APBA1: variants seen among roughly 807,000 people sequenced by gnomAD.
APBA1 encodes amyloid-beta A4 precursor protein-binding family A member 1.
In APBA1, 55 loss-of-function variants were observed where a neutral mutation model predicts 86.6. That is an observed-to-expected ratio of 0.64 (90% CI 0.51 to 0.80). The LOEUF (loss-of-function observed/expected upper bound fraction) is 0.80, where lower values mean the gene tolerates loss of function less well. APBA1 is among the 30% of genes least tolerant of loss of function. The pLI is 0.00. For missense variants in APBA1, 1,090 were observed against 1,183.0 expected (o/e 0.92, Z 1.15); for synonymous variants, 511 against 493.9 (o/e 1.03, Z -0.46).
At position 69,616,114 on chromosome 9, in the gene APBA1, G is replaced by GGA. The variant is rs373103054; in HGVS notation, c.-70+56037_-70+56038dup. 2.0e-3 allele frequency among the ~76,000 whole-genome samples: 304 copies of GGA among 152,242 alleles called. 2 individuals are homozygous for GGA. The highest frequency in any genetic ancestry group is 6.4e-3 in the African/African-American group (267 of 41,548). ...CCTGGTAACTTAACCACCTGATCTAGGAGATCTTTTAGTCCACGCAGTGAG... is the reference window on the plus strand; with the variant it reads ...CCTGGTAACTTAACCACCTGATCTAGGAGAGATCTTTTAGTCCACGCAGTGAG... On this transcript the variant is annotated intron_variant, in intron 1 of 12. Coordinates refer to ENST00000265381, the MANE Select transcript of APBA1 (RefSeq NM_001163.4).
In APBA1 at chr9:69,624,795, C is replaced by G. The variant is rs1822897524; in HGVS notation, c.-70+47358G>C. On this transcript the variant is annotated intron_variant, in intron 1 of 12. Transcript: ENST00000265381. ...TCAAGTTCTCACAAATGCAGAGAAACCCAGGTGCAAAGGTGAGTTTAGATA... is the reference window on the plus strand; with the variant it reads ...TCAAGTTCTCACAAATGCAGAGAAAGCCAGGTGCAAAGGTGAGTTTAGATA... 2.0e-5 allele frequency among the ~76,000 whole-genome samples: 3 copies of G among 152,258 alleles called. No homozygotes were observed. In the South Asian group the frequency reaches 6.2e-4, roughly 32 times the overall value.
intron 10 of APBA1, among the ~76,000 whole-genome samples, chr9:69,443,751 G>A (rs1834862382): frequency 6.6e-6 from 1 of 152,134 alleles, no homozygotes; most frequent in Non-Finnish European, 1.5e-5. Context: ...TTCACACACA[G>A]CAAGATTCAA....
intron 10 of APBA1, among the ~76,000 whole-genome samples, chr9:69,442,575 G>A (rs932445539): frequency 6.6e-6 from 1 of 152,218 alleles, no homozygotes; most frequent in Admixed American, 6.5e-5. Flanking sequence ...CAAGCCCACA[G>A]TATCGCTCAG....
intron 1 of APBA1, among the ~76,000 whole-genome samples, chr9:69,544,899 G>A (rs954493418): frequency 6.6e-6 from 1 of 152,130 alleles, no homozygotes; most frequent in Non-Finnish European, 1.5e-5. Context: ...TTGGCCCACC[G>A]GTTAAAATCC....
intron 1 of APBA1, among the ~76,000 whole-genome samples, chr9:69,628,686 T>C (rs923229825): frequency 3.9e-5 from 6 of 152,174 alleles, no homozygotes; most frequent in African/African-American, 1.4e-4. Flanking sequence ...TGAAAAATAA[T>C]GGGCATAGTG....
At chr9:69,661,509 C>A (rs191191164) in intron 1 of APBA1, among the ~76,000 whole-genome samples, 68 of 152,286 alleles carry the variant, frequency 4.5e-4, no homozygotes, top group Admixed American at 2.5e-3. Flanking sequence ...CTAATTATGG[C>A]AGCACTGTAT....
At chr9:69,470,197 C>G (rs1411958029) in intron 4 of APBA1, among the ~76,000 whole-genome samples, 1 of 152,086 alleles carries the variant, frequency 6.6e-6, no homozygotes. Flanking sequence ...TCGCATCACA[C>G]CCAGAAAAAT....
chr9:69,583,105 C>G (rs750128388), intron 1 of APBA1, among the ~76,000 whole-genome samples: 4 of 152,156 alleles, frequency 2.6e-5, no homozygotes, highest in Non-Finnish European at 4.4e-5. Flanking sequence ...TCCTGTGGAA[C>G]AGGCGCAGTA....
At chr9:69,613,724 C>T (rs1822638874) in intron 1 of APBA1, among the ~76,000 whole-genome samples, 1 of 152,142 alleles carries the variant, frequency 6.6e-6, no homozygotes, top group Non-Finnish European at 1.5e-5. Context: ...GTCTGAATTG[C>T]TCCATGTAAC....
intron 1 of APBA1, among the ~76,000 whole-genome samples, chr9:69,591,076 T>C (rs1822119637): frequency 6.6e-6 from 1 of 152,172 alleles, no homozygotes; most frequent in Admixed American, 6.5e-5. Context: ...CATGTGATGC[T>C]TCCCTCCTGA....
intron 2 of APBA1, among the ~76,000 whole-genome samples, chr9:69,485,539 C>T (rs892761119): frequency 6.7e-5 from 10 of 149,316 alleles, no homozygotes; most frequent in African/African-American, 2.0e-4. Context: ...TGGAGACTCA[C>T]GCCTTCTGGG....
intron 8 of APBA1, among the ~76,000 whole-genome samples, chr9:69,455,548 G>C (rs1185549211): frequency 6.6e-6 from 1 of 152,172 alleles, no homozygotes. Flanking sequence ...GCATCACCCA[G>C]AGAAATGGAG....
chr9:69,504,969 G>T (rs1008387549), intron 2 of APBA1, among the ~76,000 whole-genome samples: 6 of 151,946 alleles, frequency 3.9e-5, no homozygotes, highest in African/African-American at 1.5e-4. Flanking sequence ...TCATATTTCT[G>T]CCACCTGAGG....
At chr9:69,583,065 T>C (rs184835258) in intron 1 of APBA1, among the ~76,000 whole-genome samples, 40 of 152,284 alleles carry the variant, frequency 2.6e-4, no homozygotes, top group Admixed American at 1.1e-3. Context: ...CTGTTCTTTG[T>C]CTATGAGGAA....
intron 10 of APBA1, among the ~76,000 whole-genome samples, chr9:69,447,742 TG>T (rs1386631021): frequency 1.3e-5 from 2 of 152,176 alleles, no homozygotes; most frequent in Non-Finnish European, 2.9e-5. Flanking sequence ...AAATAGTACC[TG>T]CCCACAGAAT....
chr9:69,665,199 C>T (rs1242714259), intron 1 of APBA1, among the ~76,000 whole-genome samples: 1 of 152,144 alleles, frequency 6.6e-6, no homozygotes, highest in Non-Finnish European at 1.5e-5. Context: ...GTGGACAATC[C>T]TAATGTGCAG....
intron 1 of APBA1, among the ~76,000 whole-genome samples, chr9:69,558,533 T>TACAC (rs34177238): frequency 3.4e-5 from 5 of 145,130 alleles, no homozygotes; most frequent in Admixed American, 1.4e-4. Flanking sequence ...TATATATATA[T>TACAC]ACACACACAC....
intron 1 of APBA1, among the ~76,000 whole-genome samples, chr9:69,669,864 T>C (rs190504542): frequency 6.6e-6 from 1 of 152,340 alleles, no homozygotes; most frequent in East Asian, 1.9e-4. Flanking sequence ...TAATTCCTCT[T>C]TCTCTAAACA....
intron 1 of APBA1, among the ~76,000 whole-genome samples, chr9:69,575,227 C>G (rs1821765202): frequency 6.6e-6 from 1 of 152,102 alleles, no homozygotes; most frequent in Non-Finnish European, 1.5e-5. Context: ...CCAATTATTA[C>G]TATTATTATT....
Sources: allele counts gnomAD v4.1 joint callset (sites outside exome capture counted in the v4.1 genomes callset), GRCh38; gene constraint gnomAD v4.1.1; transcripts MANE v1.5; gene names NCBI Gene and HGNC (gene_info 2026-07-23, HGNC 2026-07-21).